Variants in WWOX observed in about 807,000 individuals in gnomAD.
WWOX encodes the protein WW domain containing oxidoreductase, also known as WW domain-containing oxidoreductase.
WWOX carries 69 observed loss-of-function variants against 46.2 expected under a neutral mutation model. That is an observed-to-expected ratio of 1.49 (90% CI 1.23 to 1.82). The LOEUF (loss-of-function observed/expected upper bound fraction) is 1.82. Ranked by LOEUF, WWOX falls within the 40% of genes most tolerant of loss-of-function variation. The pLI is 0.00. For missense variants in WWOX, 919 were observed against 542.6 expected, an observed-to-expected ratio of 1.69 and a Z score of -6.89; for synonymous variants, 359 against 202.6, an observed-to-expected ratio of 1.77 and a Z score of -6.56.
rs1026687999 is a variant in WWOX at position 78,530,246 on chromosome 16, C to T, written c.1056+97494C>T. Reference sequence around the variant, plus strand: ...CTCTTTTAGTTTTGCCATCCACGGACGGCTTAAGTGTTAACAGTTCAGTGG... The same window carrying T: ...CTCTTTTAGTTTTGCCATCCACGGATGGCTTAAGTGTTAACAGTTCAGTGG... On this transcript the variant is annotated intron_variant, in intron 8 of 8. Coordinates refer to ENST00000566780, the MANE Select transcript of WWOX (RefSeq NM_016373.4). Among the ~76,000 whole-genome samples the T allele has an allele frequency of 2.0e-4, 30 of 152,254 alleles. 1 individual carries two copies. The highest frequency in any genetic ancestry group is 2.1e-4 in the South Asian group (1 of 4,816).
chr16:78,349,456 T>C (rs2081149165), intron 5 of WWOX, among the ~76,000 whole-genome samples: 1 of 120,694 alleles, frequency 8.3e-6, no homozygotes, highest in Admixed American at 8.1e-5. Flanking sequence ...ATCATGCTTT[T>C]CAGAGACCAT....
intron 8 of WWOX, among the ~76,000 whole-genome samples, chr16:78,848,779 C>T (rs756841544): frequency 6.9e-5 from 10 of 144,976 alleles, no homozygotes; most frequent in African/African-American, 1.3e-4. Context: ...CCAAAATAGA[C>T]GGGAGTTACA....
At chr16:78,828,885 C>G (rs1343959426) in intron 8 of WWOX, among the ~76,000 whole-genome samples, 1 of 152,126 alleles carries the variant, frequency 6.6e-6, no homozygotes, top group East Asian at 1.9e-4. Context: ...GTATGTAATC[C>G]TAAAATGTAG....
chr16:78,556,763 T>C (rs2044307445), intron 8 of WWOX, among the ~76,000 whole-genome samples: 1 of 152,104 alleles, frequency 6.6e-6, no homozygotes, highest in Non-Finnish European at 1.5e-5. Flanking sequence ...TTGCCCAGCC[T>C]GGAGTGAAGT....
intron 5 of WWOX, among the ~76,000 whole-genome samples, chr16:78,312,726 T>C (rs888451720): frequency 2.0e-5 from 3 of 152,200 alleles, no homozygotes; most frequent in Non-Finnish European, 4.4e-5. Flanking sequence ...TTCTCTGCAT[T>C]GGAGGAAGCA....
intron 8 of WWOX, among the ~76,000 whole-genome samples, chr16:78,762,811 A>C (rs1463830824): frequency 1.3e-5 from 2 of 152,218 alleles, no homozygotes; most frequent in Non-Finnish European, 2.9e-5. Flanking sequence ...CTGTATCTGT[A>C]ATATGGGGAA....
chr16:78,490,151 G>C (rs77400626), intron 8 of WWOX, among the ~76,000 whole-genome samples: 1 of 142,194 alleles, frequency 7.0e-6, no homozygotes, highest in Admixed American at 6.9e-5. Flanking sequence ...TTTTTTTTTG[G>C]TTGTGGTGGC....
chr16:78,323,416 A>G lies in WWOX; in HGVS notation c.517-63444A>G, dbSNP rs540274234. Reference sequence around the variant, plus strand: ...CACTGCGCCCGGCCGGGGATCTTGTATTAATAGTAGGGAGACAGTAAGCAA... The same window carrying G: ...CACTGCGCCCGGCCGGGGATCTTGTGTTAATAGTAGGGAGACAGTAAGCAA... On this transcript the variant is annotated intron_variant, in intron 5 of 8. Coordinates refer to ENST00000566780, the MANE Select transcript of WWOX (RefSeq NM_016373.4). Among the ~76,000 whole-genome samples the G allele has an allele frequency of 6.6e-5, 10 of 152,238 alleles. 1 individual carries two copies. In the South Asian group the frequency reaches 2.1e-3, roughly 32 times the overall value.
At chr16:79,063,399 G>A (rs2048388698) in intron 8 of WWOX, among the ~76,000 whole-genome samples, 1 of 152,174 alleles carries the variant, frequency 6.6e-6, no homozygotes, top group South Asian at 2.1e-4. Flanking sequence ...CTGTCCACAG[G>A]TTGCCAGTCT....
chr16:78,460,248 C>A (rs967818012), intron 8 of WWOX, among the ~76,000 whole-genome samples: 1 of 152,146 alleles, frequency 6.6e-6, no homozygotes. Flanking sequence ...GTGCCTCAGC[C>A]TTCCAAGTAG....
chr16:78,993,945 G>A (rs1015055983), intron 8 of WWOX, among the ~76,000 whole-genome samples: 1 of 152,212 alleles, frequency 6.6e-6, no homozygotes, highest in Non-Finnish European at 1.5e-5. Flanking sequence ...TGGGAACAGT[G>A]TGGCATTGTT....
intron 8 of WWOX, among the ~76,000 whole-genome samples, chr16:78,511,936 A>G (rs1408764651): frequency 6.6e-6 from 1 of 152,200 alleles, no homozygotes; most frequent in African/African-American, 2.4e-5. Context: ...CTGTTTACAC[A>G]TTCTTCTGCG....
chr16:78,595,644 T>A (rs1874612215), intron 8 of WWOX, among the ~76,000 whole-genome samples: 1 of 152,158 alleles, frequency 6.6e-6, no homozygotes, highest in South Asian at 2.1e-4. Flanking sequence ...GTGGATGTCT[T>A]GATGATGAGC....
chr16:78,966,805 T>C (rs1033454799), intron 8 of WWOX, among the ~76,000 whole-genome samples: 15 of 152,206 alleles, frequency 9.9e-5, no homozygotes, highest in Admixed American at 9.8e-4. Flanking sequence ...TGTTCTACTT[T>C]GGCAGAATTA....
chr16:79,061,107 G>T (rs2048350012), intron 8 of WWOX, among the ~76,000 whole-genome samples: 2 of 152,148 alleles, frequency 1.3e-5, no homozygotes, highest in African/African-American at 4.8e-5. Context: ...GAGGTACATT[G>T]GGTGGCCATG....
chr16:78,898,588 T>G (rs2044754806), intron 8 of WWOX: 1 of 152,190 alleles, frequency 6.6e-6, no homozygotes, highest in African/African-American at 2.4e-5. Flanking sequence ...TTGTTTGGGT[T>G]AGTTTAGATA....
At chr16:78,533,785 C>T (rs1373113937) in intron 8 of WWOX, among the ~76,000 whole-genome samples, 1 of 152,170 alleles carries the variant, frequency 6.6e-6, no homozygotes, top group Non-Finnish European at 1.5e-5. Context: ...GTAGGCCCCT[C>T]CCGAATGCGT....
intron 8 of WWOX, chr16:79,205,758 G>C (rs771476079): frequency 4.6e-5 from 7 of 152,212 alleles, no homozygotes; most frequent in African/African-American, 1.7e-4. Flanking sequence ...GTGGGAGTCA[G>C]TTGTCAGGAA....
intron 8 of WWOX, among the ~76,000 whole-genome samples, chr16:78,850,053 C>T (rs1018847352): frequency 4.0e-5 from 6 of 150,864 alleles, no homozygotes; most frequent in African/African-American, 1.5e-4. Context: ...GCCTGGGCAA[C>T]AAGAGCGAAA....
Sources: allele counts gnomAD v4.1 joint callset (sites outside exome capture counted in the v4.1 genomes callset), GRCh38; gene constraint gnomAD v4.1.1; transcripts MANE v1.5; gene names NCBI Gene and HGNC (gene_info 2026-07-23, HGNC 2026-07-21).